MAP4: variants seen among roughly 807,000 people sequenced by gnomAD.
MAP4 encodes microtubule-associated protein 4.
MAP4 carries 76 observed loss-of-function variants against 170.2 expected under a neutral mutation model. The observed-to-expected ratio is 0.45, with a 90% CI of 0.37 to 0.54. The LOEUF (loss-of-function observed/expected upper bound fraction) is 0.54, where lower values mean the gene tolerates loss of function less well. MAP4 is among the 20% of genes least tolerant of loss of function. MAP4 has a pLI of 0.00. For missense variants in MAP4, 2,506 were observed against 2,748.0 expected (o/e 0.91, Z 1.97); for synonymous variants, 909 against 994.5 (o/e 0.91, Z 1.62).
At chr3:47,915,829 T>C (rs2100038455) in intron 7 of MAP4, 122 bp downstream of exon 7, 10 of 1,074,864 alleles carry the variant, frequency 9.3e-6, no homozygotes, top group Admixed American at 2.5e-5. Context: ...AGCAGGAGTA[T>C]GAATAAACTT....
At position 48,073,252 on chromosome 3, in the gene MAP4, TACACACACACACACACAC is replaced by T. The variant is rs35163339; in HGVS notation, c.-20+15503_-20+15520del. Among the ~76,000 whole-genome samples, 536 of 134,554 alleles carry T rather than the reference TACACACACACACACACAC, an allele frequency of 4.0e-3. 5 individuals are homozygous for T. The highest frequency in any genetic ancestry group is 0.025 in the South Asian group (95 of 3,872). 88.3% of individuals were successfully genotyped at this position (134,554 alleles called of 152,430 possible). On this transcript the variant is annotated intron_variant, in intron 1 of 18. Coordinates refer to the MAP4 transcript ENST00000360240. ...AAAACAATATGGAAATCCAAAGGAA[TACACACACACACACACAC>T]ACACACACACACACACACACACACA...
At chr3:47,889,317 C>T (rs1430941960) in intron 10 of MAP4, among the ~76,000 whole-genome samples, 1 of 152,202 alleles carries the variant, frequency 6.6e-6, no homozygotes, top group African/African-American at 2.4e-5. Context: ...GTTCCCTTGC[C>T]TGGAAGGCTT....
chr3:47,863,935 T>TGG (rs1210344915), intron 17 of MAP4, among the ~76,000 whole-genome samples: 2 of 102,348 alleles, frequency 2.0e-5, no homozygotes, highest in African/African-American at 3.8e-5. Context: ...TGTGTGTGTG[T>TGG]GTGGGGAGTG....
intron 1 of MAP4, among the ~76,000 whole-genome samples, chr3:48,026,102 A>C (rs974139434): frequency 1.3e-5 from 2 of 152,112 alleles, no homozygotes; most frequent in African/African-American, 4.8e-5. Context: ...ATACAATTTC[A>C]GCTAATGAAC....
intron 17 of MAP4, among the ~76,000 whole-genome samples, chr3:47,860,811 A>G (rs572492488): frequency 6.6e-6 from 1 of 152,266 alleles, no homozygotes; most frequent in South Asian, 2.1e-4. Context: ...AAACCAAATA[A>G]ATTTAAAGAA....
intron 1 of MAP4, among the ~76,000 whole-genome samples, chr3:48,076,125 T>C (rs2100143754): frequency 6.6e-6 from 1 of 151,556 alleles, no homozygotes; most frequent in African/African-American, 2.4e-5. Flanking sequence ...ATTACACCTA[T>C]AATCCCAGCA....
intron 10 of MAP4, among the ~76,000 whole-genome samples, chr3:47,900,406 A>G (rs895388053): frequency 2.6e-5 from 4 of 152,190 alleles, no homozygotes; most frequent in Non-Finnish European, 5.9e-5. Context: ...GAATAATCTG[A>G]TATATGTGAA....
chr3:47,893,807 T>C (rs1272453494), intron 10 of MAP4, among the ~76,000 whole-genome samples: 1 of 151,998 alleles, frequency 6.6e-6, no homozygotes, highest in Non-Finnish European at 1.5e-5. Flanking sequence ...ACTGCAATGA[T>C]TTGATGACAG....
chr3:47,935,234 G>C lies in MAP4; in HGVS notation c.293-6884C>G, dbSNP rs1047497027. ...GATGATCTAGGATCTTCCTGTAGGAGACTAGAACTTAATTGAATCTAGGAA... is the reference window on the plus strand; with the variant it reads ...GATGATCTAGGATCTTCCTGTAGGACACTAGAACTTAATTGAATCTAGGAA... On this transcript the variant is annotated intron_variant, in intron 3 of 20. Transcript: ENST00000683076. Among the ~76,000 whole-genome samples, 25 of 152,188 alleles carry C rather than the reference G, an allele frequency of 1.6e-4. 1 individual carries two copies.
At chr3:48,026,647 A>G (rs2100113253) in intron 1 of MAP4, among the ~76,000 whole-genome samples, 1 of 152,194 alleles carries the variant, frequency 6.6e-6, no homozygotes, top group Admixed American at 6.5e-5. Context: ...AATAAATCTT[A>G]TCTCAAATTA....
intron 3 of MAP4, among the ~76,000 whole-genome samples, chr3:47,956,747 A>C (rs768687814): frequency 6.6e-6 from 1 of 152,222 alleles, no homozygotes. Context: ...GACGTACTTC[A>C]TGAATATAAA....
rs1158812252 is a variant in MAP4 at position 47,911,034 on chromosome 3, A to AG, written c.3386dup (p.Lys1130Ter). On this transcript the variant is annotated frameshift_variant, in exon 9 of 21. Transcript: ENST00000683076. LOFTEE classifies it high-confidence loss of function. The surrounding 1 kb of genome is among the most constrained non-coding windows in gnomAD (Gnocchi z 4.0). ...CCACTGCCTCCGTGAGATCAGCCTT[A>AG]GTGCCTGGTTGCTTTGAAGAATTCA... 2 of 1,536,038 alleles carry AG rather than the reference A, an allele frequency of 1.3e-6. No individual in the cohort carries two copies. The highest frequency in any genetic ancestry group is 2.7e-5 in the African/African-American group (2 of 73,042).
intron 3 of MAP4, among the ~76,000 whole-genome samples, chr3:47,937,909 G>A (rs182621795): frequency 2.9e-4 from 44 of 150,372 alleles, no homozygotes; most frequent in African/African-American, 8.2e-4. Flanking sequence ...TGATCCGCCC[G>A]CCTCAGTCTC....
chr3:47,903,588 G>A (rs1048852231), intron 9 of MAP4, among the ~76,000 whole-genome samples: 2 of 151,248 alleles, frequency 1.3e-5, no homozygotes, highest in Admixed American at 6.6e-5. Context: ...ACTTCCTGAC[G>A]TATTGCATTA....
chr3:47,934,426 T>C (rs1439833650), intron 3 of MAP4, among the ~76,000 whole-genome samples: 1 of 152,104 alleles, frequency 6.6e-6, no homozygotes, highest in Non-Finnish European at 1.5e-5. Context: ...CCTCAGCTTC[T>C]TGAGTACTGG....
intron 1 of MAP4, among the ~76,000 whole-genome samples, chr3:48,054,826 G>T (rs2100129867): frequency 6.7e-6 from 1 of 150,024 alleles, no homozygotes; most frequent in South Asian, 2.1e-4. Flanking sequence ...AAAAAGAAAA[G>T]AAAAGCCCCA....
At chr3:48,061,081 G>C (rs905523488) in intron 1 of MAP4, among the ~76,000 whole-genome samples, 23 of 152,064 alleles carry the variant, frequency 1.5e-4, no homozygotes, top group Admixed American at 7.9e-4. Context: ...TCCTGACCTC[G>C]TAATCCACCC....
chr3:47,874,152 T>C (rs1011751916), intron 12 of MAP4, among the ~76,000 whole-genome samples: 10 of 152,190 alleles, frequency 6.6e-5, no homozygotes, highest in Non-Finnish European at 1.0e-4. Context: ...TCTCTGAGCT[T>C]TATTTCCTCA....
At chr3:47,923,603 AAC>A (rs1225814914) in intron 4 of MAP4, among the ~76,000 whole-genome samples, 4 of 151,446 alleles carry the variant, frequency 2.6e-5, no homozygotes, top group African/African-American at 7.3e-5. Flanking sequence ...AAAAACAAAA[AAC>A]ACAGCCTGCT....
Sources: gnomAD v4.1 joint callset for allele counts (sites outside exome capture counted in the v4.1 genomes callset) on GRCh38, gnomAD v4.1.1 for gene constraint, Gnocchi (gnomAD v3.1) non-coding constraint, MANE v1.5 for transcripts, NCBI Gene and HGNC (gene_info 2026-07-23, HGNC 2026-07-21) for gene names.